The following KIF26B variants were observed in gnomAD, a reference collection of about 807,000 sequenced individuals.
KIF26B encodes kinesin family member 26B.
In KIF26B, 63 loss-of-function variants were observed where a neutral mutation model predicts 151.2. The ratio of observed to expected loss-of-function variants is 0.42; its 90% CI spans 0.34 to 0.51. The LOEUF is 0.51. Among genes scored for constraint, KIF26B ranks in the 20% least tolerant of loss-of-function variants. KIF26B has a pLI of 0.07. For missense variants in KIF26B, 2,813 were observed against 2,913.6 expected, an observed-to-expected ratio of 0.97 and a Z score of 0.79; for synonymous variants, 1,357 against 1,262.1, an observed-to-expected ratio of 1.08 and a Z score of -1.59.
Position 245,606,171 on chromosome 1 carries a change from C to G in KIF26B, c.1558-1480C>G, listed in dbSNP as rs1480976907. ...CTACAGCAGCCCTGTCCTGCCACCC[C>G]CTCTGGCCCAGGAGGAGCCCCCCGC... On this transcript the variant is annotated intron_variant, in intron 6 of 14. Coordinates refer to ENST00000407071, the MANE Select transcript of KIF26B (RefSeq NM_018012.4). This position sits in a 1 kb window ranked among gnomAD's most constrained non-coding sequence, Gnocchi z 4.6. Among the ~76,000 whole-genome samples, 1 of 152,112 alleles carries G rather than the reference C, an allele frequency of 6.6e-6. No individual in the cohort carries two copies. The highest frequency in any genetic ancestry group is 1.5e-5 in the Non-Finnish European group (1 of 68,032).
In KIF26B at chr1:245,276,455, A is replaced by G. The variant is rs796694647; in HGVS notation, c.466-90379A>G. Reference sequence around the variant, plus strand: ...TTTATTTTGTGCTGAGCTAGAGGGCATGGACTATGACAAATAAGTACATGC... The same window carrying G: ...TTTATTTTGTGCTGAGCTAGAGGGCGTGGACTATGACAAATAAGTACATGC... On this transcript the variant is annotated intron_variant, in intron 2 of 14. Transcript: ENST00000407071. Among the ~76,000 whole-genome samples the G allele has an allele frequency of 5.9e-5, 9 of 152,334 alleles. 1 individual carries two copies. Among genetic ancestry groups the G allele is most frequent in the African/African-American group, 2.2e-4 (9 of 41,590 alleles).
At chr1:245,482,044 G>A (rs1220014450) in intron 4 of KIF26B, among the ~76,000 whole-genome samples, 1 of 151,752 alleles carries the variant, frequency 6.6e-6, no homozygotes, top group Non-Finnish European at 1.5e-5. Flanking sequence ...GACTGAAGAT[G>A]GAGATGGTCA....
intron 2 of KIF26B, among the ~76,000 whole-genome samples, chr1:245,302,601 C>G (rs189376324): frequency 6.6e-6 from 1 of 152,314 alleles, no homozygotes; most frequent in African/African-American, 2.4e-5. Flanking sequence ...CCTCCTTTTT[C>G]TGTGTCACAG....
intron 4 of KIF26B, among the ~76,000 whole-genome samples, chr1:245,474,521 C>T (rs1324520752): frequency 1.3e-5 from 2 of 150,878 alleles, no homozygotes; most frequent in African/African-American, 4.9e-5. Context: ...CAGTGATTCT[C>T]CTGCCTCAGC....
intron 2 of KIF26B, among the ~76,000 whole-genome samples, chr1:245,285,873 G>T (rs973568538): frequency 7.9e-5 from 12 of 151,158 alleles, no homozygotes; most frequent in African/African-American, 2.7e-4. Flanking sequence ...GTGGTGCGTA[G>T]TTGTAATCCC....
intron 2 of KIF26B, among the ~76,000 whole-genome samples, chr1:245,309,607 A>G (rs1302765553): frequency 6.6e-6 from 1 of 151,354 alleles, no homozygotes; most frequent in African/African-American, 2.4e-5. Flanking sequence ...GTCATTCTCC[A>G]TCTTATGATA....
intron 2 of KIF26B, among the ~76,000 whole-genome samples, chr1:245,326,392 C>A (rs1671991662): frequency 6.6e-6 from 1 of 152,316 alleles, no homozygotes; most frequent in Admixed American, 6.5e-5. Flanking sequence ...TAGATTTGTT[C>A]AGCCTCTCAC....
rs138597347 is a variant in KIF26B, at chr1:245,416,436, G to A, written c.1000-3143G>A. Among the ~76,000 whole-genome samples, 372 of 152,328 alleles carry A rather than the reference G, an allele frequency of 2.4e-3. 3 individuals carry two copies. Among genetic ancestry groups the A allele is most frequent in the African/African-American group, 8.3e-3 (347 of 41,582 alleles). ...CAGATTTATTTCACAAACATGTTTT[G>A]AGCATCTTTGTGTGCCAGCCATTGT... On this transcript the variant is annotated intron_variant, in intron 3 of 14. Transcript: ENST00000407071.
rs1007593680 is a variant in KIF26B at position 245,503,673 on chromosome 1, C to T, written c.1167-37094C>T. ...ATGTATCTGAGGGATAATGACTGTC[C>T]GTATCGGAGAGCTGGGCGGTGATGG... On this transcript the variant is annotated intron_variant, in intron 4 of 14. Coordinates refer to ENST00000407071, the MANE Select transcript of KIF26B (RefSeq NM_018012.4). Among the ~76,000 whole-genome samples the T allele has an allele frequency of 5.3e-5, 8 of 152,136 alleles. No individual in the cohort carries two copies. The South Asian group carries it at 6.2e-4, about 12-fold the overall frequency.
chr1:245,431,528 T>G (rs1467479745), intron 4 of KIF26B, among the ~76,000 whole-genome samples: 2 of 152,126 alleles, frequency 1.3e-5, no homozygotes, highest in Non-Finnish European at 2.9e-5. Context: ...CTATTTTTAG[T>G]AGAGACAGGG....
At chr1:245,504,784 C>T (rs1660698829) in intron 4 of KIF26B, among the ~76,000 whole-genome samples, 2 of 151,856 alleles carry the variant, frequency 1.3e-5, no homozygotes, top group African/African-American at 2.4e-5. Flanking sequence ...AAATTGTAGC[C>T]GTGGTCAGAG....
At chr1:245,243,199 C>T (rs184566850) in intron 2 of KIF26B, among the ~76,000 whole-genome samples, 1 of 152,280 alleles carries the variant, frequency 6.6e-6, no homozygotes, top group Non-Finnish European at 1.5e-5. Context: ...CTGTTTCTCC[C>T]TTGCCAATAC....
intron 2 of KIF26B, among the ~76,000 whole-genome samples, chr1:245,299,320 G>GTTTTTTTTT (rs55957858): frequency 9.7e-6 from 1 of 103,194 alleles, no homozygotes; most frequent in African/African-American, 3.6e-5. Flanking sequence ...CCAATTCTGG[G>GTTTTTTTTT]TTTTTTTTTT....
chr1:245,386,700 G>GAT (rs979162178), intron 3 of KIF26B, among the ~76,000 whole-genome samples: 6 of 152,262 alleles, frequency 3.9e-5, no homozygotes, highest in African/African-American at 1.4e-4. Flanking sequence ...GCTCTCCATC[G>GAT]ATAAGATATG....
chr1:245,524,217 G>A (rs1465439981), intron 4 of KIF26B, among the ~76,000 whole-genome samples: 1 of 152,182 alleles, frequency 6.6e-6, no homozygotes, highest in African/African-American at 2.4e-5. Context: ...AAAGCATTTA[G>A]TGTGCTCCCA....
At chr1:245,210,844 A>AT (rs900514746) in intron 2 of KIF26B, among the ~76,000 whole-genome samples, 4 of 152,038 alleles carry the variant, frequency 2.6e-5, no homozygotes, top group East Asian at 3.9e-4. Context: ...GTCTTCTGTC[A>AT]TTTTTTCTTC....
At chr1:245,342,412 G>A (rs544125225) in intron 2 of KIF26B, among the ~76,000 whole-genome samples, 1 of 152,300 alleles carries the variant, frequency 6.6e-6, no homozygotes, top group Admixed American at 6.5e-5. Context: ...GTAATTAAGA[G>A]TGTTAATGAT....
At chr1:245,419,159 C>T (rs1296772687) in intron 3 of KIF26B, among the ~76,000 whole-genome samples, 2 of 152,190 alleles carry the variant, frequency 1.3e-5, no homozygotes, top group Non-Finnish European at 2.9e-5. Flanking sequence ...AGCAGGCTTA[C>T]TTCTCTCTTC....
intron 2 of KIF26B, among the ~76,000 whole-genome samples, chr1:245,212,335 T>A (rs1008682049): frequency 6.6e-6 from 1 of 152,138 alleles, no homozygotes; most frequent in Admixed American, 6.5e-5. Flanking sequence ...CGATTTGGAA[T>A]TCTGCGTTCC....
Sources: allele counts gnomAD v4.1 joint callset (sites outside exome capture counted in the v4.1 genomes callset), GRCh38; gene constraint gnomAD v4.1.1; non-coding constraint Gnocchi (gnomAD v3.1); transcripts MANE v1.5; gene names NCBI Gene and HGNC (gene_info 2026-07-23, HGNC 2026-07-21).